CNTN1: variants seen among roughly 807,000 people sequenced by gnomAD.
The protein encoded by CNTN1 is contactin 1.
A neutral mutation model predicts 126.4 loss-of-function variants in CNTN1; 38 were observed. That is an observed-to-expected ratio of 0.30 (90% CI 0.23 to 0.39). CNTN1 has a LOEUF of 0.39. Ranked by LOEUF, CNTN1 falls within the 10% of genes least tolerant of loss-of-function variation. CNTN1 has a pLI of 1.00. For synonymous variants in CNTN1, 413 were observed against 422.6 expected (o/e 0.98, Z 0.28); for missense variants, 1,009 against 1,248.4 (o/e 0.81, Z 2.89).
At chr12:40,999,133 G>A (rs552083713) in intron 17 of CNTN1, among the ~76,000 whole-genome samples, 3 of 152,158 alleles carry the variant, frequency 2.0e-5, no homozygotes, top group East Asian at 3.9e-4. Flanking sequence ...AATAGTCATG[G>A]CATTGGCTTG....
At chr12:41,021,554 CT>C in intron 20 of CNTN1, among the ~76,000 whole-genome samples, 1 of 151,376 alleles carries the variant, frequency 6.6e-6, no homozygotes, top group Non-Finnish European at 1.5e-5. Flanking sequence ...TACAATTGGG[CT>C]TTCTCAAGGC....
chr12:40,817,952 T>A (rs1941312053), intron 1 of CNTN1, among the ~76,000 whole-genome samples: 1 of 152,208 alleles, frequency 6.6e-6, no homozygotes, highest in Non-Finnish European at 1.5e-5. Flanking sequence ...TATGAAATTC[T>A]GGGTTGAAAA....
chr12:40,827,388 A>C (rs1041995623), intron 1 of CNTN1, among the ~76,000 whole-genome samples: 1 of 150,276 alleles, frequency 6.7e-6, no homozygotes, highest in African/African-American at 2.4e-5. Flanking sequence ...TTTGTAAATT[A>C]AACTTTTCTA....
At chr12:40,980,006 A>G (rs1947777563) in intron 15 of CNTN1, among the ~76,000 whole-genome samples, 1 of 152,214 alleles carries the variant, frequency 6.6e-6, no homozygotes, top group African/African-American at 2.4e-5. Flanking sequence ...TTATATAAGT[A>G]GAAACATTTT....
chr12:40,932,575 CT>C lies in CNTN1; in HGVS notation c.704-884del, dbSNP rs527459186. Among the ~76,000 whole-genome samples, 47 of 152,000 alleles carry C rather than the reference CT, an allele frequency of 3.1e-4. No individual in the cohort carries two copies. The East Asian group carries it at 8.9e-3, about 29-fold the overall frequency. On this transcript the variant is annotated intron_variant, in intron 7 of 23. Coordinates refer to ENST00000551295, the MANE Select transcript of CNTN1 (RefSeq NM_001843.4). ...TAGATTGTGGGTTCAAGCTCATATA[CT>C]TCAGCATCATTTGAGTTCCTAGACC... is the stretch of plus-strand genomic sequence containing the variant.
chr12:40,978,039 G>A (rs1947728672), intron 15 of CNTN1, among the ~76,000 whole-genome samples: 1 of 152,006 alleles, frequency 6.6e-6, no homozygotes, highest in Non-Finnish European at 1.5e-5. Context: ...CTGACCTCAG[G>A]TAATCCACCT....
chr12:40,806,692 C>A (rs7965429), intron 1 of CNTN1, among the ~76,000 whole-genome samples: 2 of 152,070 alleles, frequency 1.3e-5, no homozygotes, highest in African/African-American at 4.8e-5. Context: ...ACATGGTAGC[C>A]CATATGGCCT....
intron 1 of CNTN1, among the ~76,000 whole-genome samples, chr12:40,877,248 T>C (rs898040220): frequency 6.6e-6 from 1 of 152,194 alleles, no homozygotes; most frequent in African/African-American, 2.4e-5. Context: ...TTGAAGTTAA[T>C]ACCCTGAGTT....
chr12:40,907,192 A>G lies in CNTN1; in HGVS notation c.-76-1165A>G, dbSNP rs117199739. Among the ~76,000 whole-genome samples the G allele has an allele frequency of 8.1e-3, 1,233 of 152,300 alleles. 37 individuals carry two copies. Among genetic ancestry groups the G allele is most frequent in the Admixed American group, 0.069 (1,062 of 15,306 alleles). The stretch of plus-strand genomic sequence containing the variant: ...GGCAGGAAGTCACCAAATGACTCAA[A>G]TCTAAGAATGCAACACTCCTGTATA... On this transcript the variant is annotated intron_variant, in intron 1 of 23. Transcript: ENST00000551295.
At chr12:40,788,340 A>G (rs1205130786) in intron 1 of CNTN1, among the ~76,000 whole-genome samples, 1 of 152,116 alleles carries the variant, frequency 6.6e-6, no homozygotes, top group Non-Finnish European at 1.5e-5. Flanking sequence ...TCATGATACC[A>G]TCTGTCATGT....
rs747310388 is a variant in CNTN1 at position 40,944,128 on chromosome 12, C to T, written c.1641C>T (p.Ile547=). The change falls in exon 14 of 24, where the codon ATC becomes ATT. Residue 547 remains isoleucine, a synonymous_variant. Transcript: ENST00000551295. ...TFVWSFNGYV[I]DFNKENIHYQ... is the part of the protein sequence containing the mutation. ...TTTGGTCCTTCAATGGCTATGTGAT[C>T]GATTTTAACAAAGAGAATATTCACT... 7.4e-6 allele frequency: 12 copies of T among 1,613,102 alleles called. No individual in the cohort carries two copies. Among genetic ancestry groups the T allele is most frequent in the South Asian group, 2.2e-5 (2 of 91,046 alleles).
chr12:41,001,097 T>C (rs1592383382), intron 17 of CNTN1, among the ~76,000 whole-genome samples: 1 of 152,210 alleles, frequency 6.6e-6, no homozygotes. Context: ...TGAATACTCA[T>C]GCATGGGTCT....
chr12:40,864,395 C>T (rs558576423), intron 1 of CNTN1, among the ~76,000 whole-genome samples: 42 of 152,148 alleles, frequency 2.8e-4, no homozygotes, highest in African/African-American at 9.9e-4. Flanking sequence ...TTAAAGTGTA[C>T]AATTCACTGA....
intron 3 of CNTN1, among the ~76,000 whole-genome samples, chr12:40,910,538 T>G (rs990940415): frequency 2.0e-5 from 3 of 152,200 alleles, no homozygotes; most frequent in Non-Finnish European, 4.4e-5. Context: ...AAATTTATTG[T>G]TTAATAATCC....
chr12:40,835,085 TATG>T (rs1232463870), intron 1 of CNTN1, among the ~76,000 whole-genome samples: 1 of 152,186 alleles, frequency 6.6e-6, no homozygotes, highest in Non-Finnish European at 1.5e-5. Flanking sequence ...CAAATGTGAA[TATG>T]ATATTATCTT....
intron 1 of CNTN1, among the ~76,000 whole-genome samples, chr12:40,862,107 C>T (rs1471031494): frequency 6.6e-6 from 1 of 151,330 alleles, no homozygotes; most frequent in Non-Finnish European, 1.5e-5. Context: ...AGAAGTCTGA[C>T]GTGGAACAAT....
At chr12:40,939,143 T>G (rs771326037) in intron 11 of CNTN1, among the ~76,000 whole-genome samples, 192 bp from the exon 12 acceptor site, 1 of 152,206 alleles carries the variant, frequency 6.6e-6, no homozygotes, top group Non-Finnish European at 1.5e-5. Context: ...GGGTGAATTT[T>G]ATAAGTCAAA....
chr12:40,958,197 T>G (rs1946961976), intron 14 of CNTN1, among the ~76,000 whole-genome samples: 1 of 152,014 alleles, frequency 6.6e-6, no homozygotes, highest in South Asian at 2.1e-4. Context: ...GTTAAATTAC[T>G]TGGATTCCTT....
intron 17 of CNTN1, among the ~76,000 whole-genome samples, chr12:41,010,903 G>A (rs1948635260): frequency 6.6e-6 from 1 of 151,926 alleles, no homozygotes; most frequent in South Asian, 2.1e-4. Flanking sequence ...TTCCTATCGG[G>A]AATGGTGTTT....
Sources: allele counts gnomAD v4.1 joint callset (sites outside exome capture counted in the v4.1 genomes callset), GRCh38; gene constraint gnomAD v4.1.1; transcripts MANE v1.5; gene names NCBI Gene and HGNC (gene_info 2026-07-23, HGNC 2026-07-21).